Variants in PCDHA2 observed in about 807,000 individuals in gnomAD.
PCDHA2 encodes protocadherin alpha 2, also known as protocadherin alpha-2.
In PCDHA2, 58 loss-of-function variants were observed where a neutral mutation model predicts 66.0. The ratio of observed to expected loss-of-function variants is 0.88; its 90% CI spans 0.71 to 1.09. The LOEUF (loss-of-function observed/expected upper bound fraction) is 1.09, where lower values mean the gene tolerates loss of function less well. Among genes scored for constraint, PCDHA2 ranks in the 50% least tolerant of loss-of-function variants. The pLI is 0.00. For synonymous variants in PCDHA2, 634 were observed against 554.0 expected, an observed-to-expected ratio of 1.14 and a Z score of -2.03; for missense variants, 1,267 against 1,242.3, an observed-to-expected ratio of 1.02 and a Z score of -0.30.
At position 140,988,717 on chromosome 5, in the gene PCDHA2, T is replaced by C. The variant is rs79402139; in HGVS notation, c.2536+6154T>C. Among the ~76,000 whole-genome samples, 1,208 of 152,334 alleles carry C rather than the reference T, an allele frequency of 7.9e-3. 20 individuals carry two copies. Among genetic ancestry groups the C allele is most frequent in the African/African-American group, 0.027 (1,139 of 41,566 alleles). On this transcript the variant is annotated intron_variant, in intron 3 of 3. Transcript: ENST00000526136. ...CTCTGTATTTTCTTGGACCTCTCATTTGCCCCATAGTAATTATTCTAGGAT... is the reference window on the plus strand; with the variant it reads ...CTCTGTATTTTCTTGGACCTCTCATCTGCCCCATAGTAATTATTCTAGGAT...
intron 3 of PCDHA2, among the ~76,000 whole-genome samples, chr5:140,987,644 T>G (rs1461630900): frequency 6.6e-6 from 1 of 152,220 alleles, no homozygotes; most frequent in Non-Finnish European, 1.5e-5. Context: ...TGCACACATA[T>G]TGCAGAATCT....
chr5:140,932,421 G>T (rs530079640), intron 1 of PCDHA2, among the ~76,000 whole-genome samples: 1 of 151,878 alleles, frequency 6.6e-6, no homozygotes, highest in Non-Finnish European at 1.5e-5. Context: ...TTAGTGTATT[G>T]TTCACCTGGA....
intron 1 of PCDHA2, chr5:140,930,231 A>C (rs1234850185): frequency 6.6e-6 from 1 of 152,238 alleles, no homozygotes; most frequent in South Asian, 2.1e-4. Context: ...TGCACTTACC[A>C]TCCAAAGTCC....
intron 1 of PCDHA2, chr5:140,848,534 T>C (rs2150412178): frequency 6.3e-7 from 1 of 1,595,182 alleles, no homozygotes; most frequent in Non-Finnish European, 8.6e-7. Flanking sequence ...AGGGTCAGCC[T>C]CTACTGCTCT....
chr5:140,825,441 A>T, intron 1 of PCDHA2: 1 of 147,966 alleles, frequency 6.8e-6, no homozygotes, highest in Non-Finnish European at 1.5e-5. Flanking sequence ...ATATAATAAT[A>T]ATATATATCA....
intron 3 of PCDHA2, among the ~76,000 whole-genome samples, chr5:141,002,446 G>T (rs1456078562): frequency 1.3e-5 from 2 of 152,156 alleles, no homozygotes; most frequent in Admixed American, 6.5e-5. Context: ...ATAATAATTG[G>T]CACATTTGTA....
chr5:140,843,854 A>G, intron 1 of PCDHA2: 1 of 943,502 alleles, frequency 1.1e-6, no homozygotes, highest in Non-Finnish European at 1.6e-6. Flanking sequence ...ACCTTTTATA[A>G]TTAATTGAAT....
At chr5:140,907,873 CACTCA>C (rs2073658134) in intron 1 of PCDHA2, among the ~76,000 whole-genome samples, 1 of 152,226 alleles carries the variant, frequency 6.6e-6, no homozygotes, top group Non-Finnish European at 1.5e-5. Context: ...CGTTGGTGAG[CACTCA>C]CATGGGATAC....
At chr5:140,803,126 G>C in intron 1 of PCDHA2, 2 of 1,613,810 alleles carry the variant, frequency 1.2e-6, no homozygotes, top group Non-Finnish European at 1.7e-6. Context: ...TGGACGCCCC[G>C]CGCCATCGCC....
In PCDHA2 at chr5:140,849,592, G is replaced by A. The variant is rs2040979573; in HGVS notation, c.2388+52240G>A. 1.3e-6 allele frequency: 2 copies of A among 1,598,672 alleles called. No individual in the cohort carries two copies. The highest frequency in any genetic ancestry group is 1.7e-6 in the Non-Finnish European group (2 of 1,167,964). On this transcript the variant is annotated intron_variant, in intron 1 of 3. Coordinates refer to ENST00000526136, the MANE Select transcript of PCDHA2 (RefSeq NM_018905.3). Reference sequence around the variant, plus strand: ...CCTGTAAAAGAGGACGCACAACTGGGGACAGTTATTGCCCTGATTAGTGTG... The same window carrying A: ...CCTGTAAAAGAGGACGCACAACTGGAGACAGTTATTGCCCTGATTAGTGTG...
intron 3 of PCDHA2, among the ~76,000 whole-genome samples, chr5:140,988,691 G>A (rs1205492528): frequency 6.6e-6 from 1 of 152,114 alleles, no homozygotes; most frequent in African/African-American, 2.4e-5. Context: ...TTCCCTAGAC[G>A]CTCTGTATTT....
intron 1 of PCDHA2, chr5:140,850,375 A>AT (rs2041561857): frequency 6.3e-7 from 1 of 1,597,746 alleles, no homozygotes; most frequent in Non-Finnish European, 8.6e-7. Context: ...GTGGGGCTGT[A>AT]CACGGGCGAG....
chr5:140,851,095 T>C, intron 1 of PCDHA2: 1 of 1,289,772 alleles, frequency 7.8e-7, no homozygotes, highest in East Asian at 2.7e-5. Context: ...TAAATAGATA[T>C]TTTTTGGGTG....
At chr5:140,921,616 A>C (rs1369093554) in intron 1 of PCDHA2, among the ~76,000 whole-genome samples, 1 of 152,222 alleles carries the variant, frequency 6.6e-6, no homozygotes, top group African/African-American at 2.4e-5. Flanking sequence ...GAAAAATATC[A>C]TCAGATCATC....
chr5:140,999,217 A>G (rs2097851437), intron 3 of PCDHA2, among the ~76,000 whole-genome samples: 1 of 152,232 alleles, frequency 6.6e-6, no homozygotes, highest in Non-Finnish European at 1.5e-5. Context: ...TGGAAGTACT[A>G]CATTTGAGAA....
At chr5:140,850,849 G>C (rs2150500367) in intron 1 of PCDHA2, 4 of 1,596,076 alleles carry the variant, frequency 2.5e-6, no homozygotes, top group South Asian at 2.2e-5. Context: ...TCTACAGAGC[G>C]AACGGGAGAA....
intron 1 of PCDHA2, among the ~76,000 whole-genome samples, chr5:140,839,285 T>C (rs2150296208): frequency 2.0e-5 from 3 of 152,170 alleles, no homozygotes; most frequent in East Asian, 3.9e-4. Flanking sequence ...CTTCCTAGCA[T>C]ATTATTAAAG....
chr5:140,882,153 A>C (rs1197738298), intron 1 of PCDHA2: 8 of 1,505,202 alleles, frequency 5.3e-6, no homozygotes, highest in Non-Finnish European at 7.1e-6. Flanking sequence ...CAGAAAGCGG[A>C]ATACCTCTTG....
intron 1 of PCDHA2, among the ~76,000 whole-genome samples, chr5:140,913,256 T>C (rs1162098506): frequency 6.6e-6 from 1 of 152,208 alleles, no homozygotes; most frequent in East Asian, 1.9e-4. Context: ...ACAACTTTGA[T>C]CTAATTACTT....
Sources: allele counts gnomAD v4.1 joint callset (sites outside exome capture counted in the v4.1 genomes callset), GRCh38; gene constraint gnomAD v4.1.1; transcripts MANE v1.5; gene names NCBI Gene and HGNC (gene_info 2026-07-23, HGNC 2026-07-21).